Variants in ADGRF4 observed in about 807,000 individuals in gnomAD.
ADGRF4 encodes G-protein coupled receptor PGR18.
ADGRF4 carries 63 observed loss-of-function variants against 58.5 expected under a neutral mutation model. That is an observed-to-expected ratio of 1.08 (90% CI 0.88 to 1.33). The LOEUF is 1.33. Among genes scored for constraint, ADGRF4 ranks in the 40% most tolerant of loss-of-function variants. The pLI, the probability that ADGRF4 is intolerant of heterozygous loss-of-function variation, is 0.00. For synonymous variants in ADGRF4, 313 were observed against 295.4 expected, an observed-to-expected ratio of 1.06 and a Z score of -0.61; for missense variants, 931 against 843.9, an observed-to-expected ratio of 1.10 and a Z score of -1.28.
chr6:47,704,132 C>A (rs1327345414), intron 1 of ADGRF4, among the ~76,000 whole-genome samples: 1 of 151,858 alleles, frequency 6.6e-6, no homozygotes, highest in Non-Finnish European at 1.5e-5. Flanking sequence ...TCACTGCAAC[C>A]TCCTCCTCCT....
Position 47,710,827 on chromosome 6 carries a change from A to C in ADGRF4, c.241A>C (p.Lys81Gln). 6.2e-7 allele frequency: 1 copy of C among 1,614,106 alleles called. No homozygotes were observed. Among genetic ancestry groups the C allele is most frequent in the Non-Finnish European group, 8.5e-7 (1 of 1,179,984 alleles). Residue 81 changes from lysine to glutamine, a missense_variant, in exon 4 of 10, where the codon AAA (lysine) becomes CAA (glutamine). Lys to Gln is a moderately conservative substitution (Grantham distance 53, BLOSUM62 1). Coordinates refer to ENST00000283303, the MANE Select transcript of ADGRF4 (RefSeq NM_153838.5). ...AGAAATAGGATTTACATGTAATCAA[A>C]AAAAGTGGCAAAAATCAGCTGAAAC... Reference protein sequence around the residue: ...HGEIGFTCNQKKWQKSAETCT... With the variant: ...HGEIGFTCNQQKWQKSAETCT...
At chr6:47,709,118 T>C (rs1771797179) in intron 3 of ADGRF4, among the ~76,000 whole-genome samples, 1 of 152,188 alleles carries the variant, frequency 6.6e-6, no homozygotes, top group Non-Finnish European at 1.5e-5. Flanking sequence ...GTGAATTCAG[T>C]CATCACAGAG....
rs1376766359 is a variant in ADGRF4 at position 47,698,724 on chromosome 6, G to A, written c.-87G>A. On this transcript the variant is annotated 5_prime_UTR_variant, in exon 1 of 10. Coordinates refer to ENST00000283303, the MANE Select transcript of ADGRF4 (RefSeq NM_153838.5). ...ACGTGATGGTGAGGCATCATGCTAGGGAGCTGAGCTCTGACCTTCCTGCTG... is the reference window on the plus strand; with the variant it reads ...ACGTGATGGTGAGGCATCATGCTAGAGAGCTGAGCTCTGACCTTCCTGCTG... 6.6e-6 allele frequency: 1 copy of A among 152,242 alleles called. No homozygotes were observed. Among genetic ancestry groups the A allele is most frequent in the Admixed American group, 6.5e-5 (1 of 15,276 alleles). 9.4% of individuals were successfully genotyped at this position (152,242 alleles called of 1,614,324 possible).
rs750563328 is a variant in ADGRF4 at position 47,712,436 on chromosome 6, C to T, written c.380C>T (p.Thr127Ile). ...LHILDFRAPE[T>I]IESVAQGIRK... ...ATTCTAGACTTTCGAGCTCCAGAGA[C>T]CATTGAGAGTGTAGCTCAAGGAATC... Residue 127 changes from threonine to isoleucine, a missense_variant, in exon 5 of 10, where the codon ACC becomes ATC. Transcript: ENST00000283303. 81 of 1,613,854 alleles carry T rather than the reference C, an allele frequency of 5.0e-5. No homozygotes were observed. Among genetic ancestry groups the T allele is most frequent in the Middle Eastern group, 1.6e-4 (1 of 6,084 alleles).
Position 47,716,864 on chromosome 6 carries a change from T to C in ADGRF4, c.1974+17T>C, listed in dbSNP as rs1772031990. The C allele has an allele frequency of 2.6e-6, 4 of 1,562,224 alleles. No homozygotes were observed. The highest frequency in any genetic ancestry group is 3.5e-6 in the Non-Finnish European group (4 of 1,140,360). ...GATCACAAGGTAATTTGAATTTGCT[T>C]CCTCCTTATAAATGGTTTTCATGTG... is the stretch of plus-strand genomic sequence containing the variant. On this transcript the variant is annotated intron_variant, in intron 7 of 9. Coordinates refer to ENST00000283303, the MANE Select transcript of ADGRF4 (RefSeq NM_153838.5).
rs752188007 is a variant in ADGRF4 at position 47,718,369 on chromosome 6, G to A, written c.2035-20G>A. On this transcript the variant is annotated intron_variant, in intron 8 of 9. Transcript: ENST00000283303. ...AATATAATTACTCATTACCACTACT[G>A]TTATTTTTCCCCCACTTAGAATGCA... 1 of 1,379,500 alleles carries A rather than the reference G, an allele frequency of 7.2e-7. No homozygotes were observed. The highest frequency in any genetic ancestry group is 2.3e-5 in the East Asian group (1 of 43,750). The allele number at this position is 1,379,500 out of a possible 1,614,324, so 85.5% of individuals were successfully genotyped here. A position where few individuals can be genotyped will look rare whatever the true frequency, so the allele number is the denominator to read the frequency against.
chr6:47,707,282 T>C lies in ADGRF4; in HGVS notation c.37T>C (p.Leu13=). The change falls in exon 2 of 10, where the codon TTA becomes CTA. Residue 13 remains leucine (L), a synonymous_variant. Transcript: ENST00000283303. ...MKSQATMICC[L]VFFLSTECSH... ...GTCCCAGGCAACCATGATTTGCTGCTTAGTGTTCTTTCTGTCCACAGAATG... is the reference window on the plus strand; with the variant it reads ...GTCCCAGGCAACCATGATTTGCTGCCTAGTGTTCTTTCTGTCCACAGAATG... 6.2e-7 allele frequency: 1 copy of C among 1,613,534 alleles called. No individual in the cohort carries two copies. Among genetic ancestry groups the C allele is most frequent in the Admixed American group, 1.7e-5 (1 of 60,030 alleles).
chr6:47,704,723 G>A (rs1771666073), intron 1 of ADGRF4, among the ~76,000 whole-genome samples: 1 of 152,104 alleles, frequency 6.6e-6, no homozygotes, highest in Non-Finnish European at 1.5e-5. Flanking sequence ...AGAGAAGAAT[G>A]TAAGATAAAA....
chr6:47,717,002 C>T (rs1415193164), intron 7 of ADGRF4, among the ~76,000 whole-genome samples, 155 bp downstream of exon 7: 1 of 151,944 alleles, frequency 6.6e-6, no homozygotes, highest in Admixed American at 6.6e-5. Context: ...AAAAACACAC[C>T]AATATTCTGT....
intron 1 of ADGRF4, among the ~76,000 whole-genome samples, chr6:47,701,576 T>C (rs1233678081): frequency 2.6e-5 from 4 of 152,246 alleles, no homozygotes; most frequent in Non-Finnish European, 2.9e-5. Flanking sequence ...AGAGTTCTTT[T>C]GCTTCTTGTT....
At chr6:47,715,338 A>T (rs2113906416) in intron 6 of ADGRF4, 161 bp downstream of exon 6, 1 of 593,092 alleles carries the variant, frequency 1.7e-6, no homozygotes, top group East Asian at 2.8e-5. Flanking sequence ...GTCAAGTTGA[A>T]TTTAGCTGAC....
Position 47,720,880 on chromosome 6 carries a change from T to C in ADGRF4, c.*4-329T>C, listed in dbSNP as rs75332633. Among the ~76,000 whole-genome samples the C allele has an allele frequency of 4.3e-3, 660 of 152,264 alleles. 3 individuals are homozygous for C. Among genetic ancestry groups the C allele is most frequent in the African/African-American group, 0.014 (575 of 41,552 alleles). ...CGGAGGGAAGCAACACGGTTTACAA[T>C]GTAAATTCACAGCAGCAGAGGCATT... On this transcript the variant is annotated intron_variant, in intron 9 of 9. Coordinates refer to ENST00000283303, the MANE Select transcript of ADGRF4 (RefSeq NM_153838.5).
At chr6:47,718,199 C>G (rs1772072624) in intron 8 of ADGRF4, among the ~76,000 whole-genome samples, 190 bp from the exon 9 acceptor site, 1 of 152,046 alleles carries the variant, frequency 6.6e-6, no homozygotes, top group South Asian at 2.1e-4. Flanking sequence ...TATTTTTTAG[C>G]AGAACATAAA....
chr6:47,712,801 C>A (rs1252417603), intron 5 of ADGRF4, among the ~76,000 whole-genome samples, 193 bp downstream of exon 5: 1 of 152,096 alleles, frequency 6.6e-6, no homozygotes, highest in Non-Finnish European at 1.5e-5. Flanking sequence ...ATTTTTAATA[C>A]CTATCTTTGT....
chr6:47,719,642 G>T (rs1772110442), intron 9 of ADGRF4, among the ~76,000 whole-genome samples: 1 of 152,132 alleles, frequency 6.6e-6, no homozygotes, highest in Non-Finnish European at 1.5e-5. Context: ...ACTGTCTCAG[G>T]TGGAGGGGGC....
At position 47,712,612 on chromosome 6, in the gene ADGRF4, T is replaced by C; in HGVS notation, c.552+4T>C. 6.4e-7 allele frequency: 1 copy of C among 1,567,354 alleles called. No homozygotes were observed. Among genetic ancestry groups the C allele is most frequent in the East Asian group, 2.2e-5 (1 of 44,600 alleles). The stretch of plus-strand genomic sequence containing the variant: ...TGTTACTCGAGAGAAAATGAAGGTA[T>C]TCTTTGTTAATCATTTAAAAATGAT... On this transcript the variant is annotated splice_donor_region_variant and intron_variant, in intron 5 of 9. Transcript: ENST00000283303.
At chr6:47,717,442 T>A in intron 8 of ADGRF4, 91 bp downstream of exon 8, 1 of 838,262 alleles carries the variant, frequency 1.2e-6, no homozygotes, top group East Asian at 2.4e-5. Context: ...ACTCAGGATC[T>A]GTGGGCAAAG....
At chr6:47,710,193 C>T (rs149385833) in intron 3 of ADGRF4, among the ~76,000 whole-genome samples, 2 of 152,158 alleles carry the variant, frequency 1.3e-5, no homozygotes, top group African/African-American at 2.4e-5. Flanking sequence ...GTTCAGAACA[C>T]TTAGTATTCA....
chr6:47,709,608 TC>T (rs1181291617), intron 3 of ADGRF4, among the ~76,000 whole-genome samples: 1 of 152,216 alleles, frequency 6.6e-6, no homozygotes, highest in Non-Finnish European at 1.5e-5. Flanking sequence ...GCATTTACAG[TC>T]ATTTATTATT....
Sources: gnomAD v4.1 joint callset for allele counts (sites outside exome capture counted in the v4.1 genomes callset) on GRCh38, gnomAD v4.1.1 for gene constraint, MANE v1.5 for transcripts, NCBI Gene and HGNC (gene_info 2026-07-23, HGNC 2026-07-21) for gene names.